CD244: variants seen among roughly 807,000 people sequenced by gnomAD.
CD244 encodes CD244 molecule.
Under a neutral mutation model 45.5 loss-of-function variants are expected in CD244, and 20 were observed. That is an observed-to-expected ratio of 0.44 (90% CI 0.31 to 0.64). The LOEUF (loss-of-function observed/expected upper bound fraction) is 0.64, where lower values mean the gene tolerates loss of function less well. CD244 is among the 30% of genes least tolerant of loss of function. The pLI is 0.08. For missense variants in CD244, 407 were observed against 426.9 expected (o/e 0.95, Z 0.41); for synonymous variants, 185 against 160.5 (o/e 1.15, Z -1.15).
At chr1:160,859,587 T>G (rs1224886383) in intron 1 of CD244, among the ~76,000 whole-genome samples, 2 of 151,480 alleles carry the variant, frequency 1.3e-5, no homozygotes, top group Non-Finnish European at 2.9e-5. Flanking sequence ...AGAAAAAAAT[T>G]TTTTTAAAGA....
At chr1:160,857,315 C>T (rs945360440) in intron 1 of CD244, among the ~76,000 whole-genome samples, 39 of 152,136 alleles carry the variant, frequency 2.6e-4, no homozygotes, top group African/African-American at 9.4e-4. Flanking sequence ...GAGATATACC[C>T]AACAGACATG....
chr1:160,840,690 C>T (rs916531507), intron 3 of CD244, among the ~76,000 whole-genome samples: 4 of 152,156 alleles, frequency 2.6e-5, no homozygotes, highest in Admixed American at 6.5e-5. Context: ...CATTAAGTCC[C>T]TGTTTATGTA....
intron 6 of CD244, among the ~76,000 whole-genome samples, chr1:160,835,383 T>C (rs1305636361): frequency 2.0e-5 from 3 of 152,214 alleles, no homozygotes; most frequent in Admixed American, 2.0e-4. Flanking sequence ...GGTTTCCTCA[T>C]TGTGATATGG....
chr1:160,858,907 C>T (rs188735678), intron 1 of CD244, among the ~76,000 whole-genome samples: 120 of 152,204 alleles, frequency 7.9e-4, no homozygotes, highest in African/African-American at 2.8e-3. Flanking sequence ...AGGTACTGCT[C>T]TAGATGTTGA....
In CD244 at chr1:160,841,468, G is replaced by C; in HGVS notation, c.397C>G (p.Arg133Gly). 2.5e-6 allele frequency: 4 copies of C among 1,613,906 alleles called. No individual in the cohort carries two copies. The highest frequency in any genetic ancestry group is 2.5e-6 in the Non-Finnish European group (3 of 1,179,982). The change falls in exon 3 of 9, where the codon CGC becomes GGC. Residue 133 changes from arginine (R) to glycine (G), a missense_variant. Coordinates refer to ENST00000368034, the MANE Select transcript of CD244 (RefSeq NM_016382.4). ...VFVFDKVEKP[R>G]LQGQGKILDR... ...AGGATCTTCCCCTGCCCCTGTAGGCGGGGTTTCTCAACTTTATCTGGAAGC... is the reference window on the plus strand; with the variant it reads ...AGGATCTTCCCCTGCCCCTGTAGGCCGGGTTTCTCAACTTTATCTGGAAGC...
intron 1 of CD244, 78 bp downstream of exon 1, chr1:160,862,539 G>T: frequency 7.7e-7 from 1 of 1,306,856 alleles, no homozygotes; most frequent in South Asian, 1.2e-5. Flanking sequence ...GGCACAAGCA[G>T]AGGCTCTGGC....
At chr1:160,848,982 C>G (rs1300977172) in intron 1 of CD244, among the ~76,000 whole-genome samples, 1 of 152,202 alleles carries the variant, frequency 6.6e-6, no homozygotes, top group Non-Finnish European at 1.5e-5. Flanking sequence ...GTCCGAAGTT[C>G]TGGAGGCCCA....
intron 1 of CD244, among the ~76,000 whole-genome samples, chr1:160,849,283 CTT>C (rs371170555): frequency 0.027 from 3,763 of 139,256 alleles, 162 homozygotes; most frequent in African/African-American, 0.094. Flanking sequence ...CCATCTCTTT[CTT>C]TTTTTTTTTT....
intron 5 of CD244, among the ~76,000 whole-genome samples, chr1:160,836,752 A>G (rs190468963): frequency 2.9e-4 from 44 of 152,164 alleles, no homozygotes; most frequent in Non-Finnish European, 5.4e-4. Flanking sequence ...AGCAGGAAGC[A>G]GAGCTTCCTG....
chr1:160,862,834 C>A lies in CD244; in HGVS notation c.-157G>T, dbSNP rs1670360702. On this transcript the variant is annotated 5_prime_UTR_variant, in exon 1 of 9. Coordinates refer to ENST00000368034, the MANE Select transcript of CD244 (RefSeq NM_016382.4). ...TTTCCTCAATTAGAGGCTGTTAACG[C>A]CTGCTGTGAGCTGACAAGGCCACTG... 1.7e-6 allele frequency: 1 copy of A among 578,934 alleles called. No homozygotes were observed. Among genetic ancestry groups the A allele is most frequent in the East Asian group, 2.9e-5 (1 of 34,018 alleles). 35.9% of individuals were successfully genotyped at this position (578,934 alleles called of 1,614,324 possible). A position where few individuals can be genotyped will look rare whatever the true frequency, so the allele number is the denominator to read the frequency against.
At chr1:160,862,529 G>T in intron 1 of CD244, 88 bp downstream of exon 1, 1 of 1,169,436 alleles carries the variant, frequency 8.6e-7, no homozygotes, top group Non-Finnish European at 1.3e-6. Context: ...CTGTGTATGT[G>T]GCACAAGCAG....
chr1:160,841,403 G>A lies in CD244; in HGVS notation c.462C>T (p.Val154=). The change falls in exon 3 of 9, where the codon GTC becomes GTT. Residue 154 remains valine (V), a synonymous_variant. Coordinates refer to ENST00000368034, the MANE Select transcript of CD244 (RefSeq NM_016382.4). ...GRCQVALSCL[V]SRDGNVSYAW... ...CATAGGACACATTGCCATCCCTGGA[G>A]ACCAAGCAAGACAGAGCCACTTGGC... The A allele has an allele frequency of 6.2e-7, 1 of 1,614,214 alleles. No individual in the cohort carries two copies.
At chr1:160,857,701 T>C (rs1342107677) in intron 1 of CD244, among the ~76,000 whole-genome samples, 1 of 152,222 alleles carries the variant, frequency 6.6e-6, no homozygotes, top group Admixed American at 6.5e-5. Context: ...ACATTTGTAA[T>C]TTTGTGTACT....
chr1:160,841,317 T>A lies in CD244; in HGVS notation c.548A>T (p.Glu183Val), dbSNP rs1173874325. 6.2e-7 allele frequency: 1 copy of A among 1,614,190 alleles called. No homozygotes were observed. The highest frequency in any genetic ancestry group is 8.5e-7 in the Non-Finnish European group (1 of 1,180,034). The change falls in exon 3 of 9, where the codon GAG becomes GTG. Residue 183 changes from glutamate to valine, a missense_variant. Coordinates refer to ENST00000368034, the MANE Select transcript of CD244 (RefSeq NM_016382.4). ...TGTGTGAGTGCCATTAATGTCAACC[T>A]CCTCGTCCAGGTAGGTGAGGTTCCC... ...TAGNLTYLDE[E>V]VDINGTHTYT... is the part of the protein sequence containing the mutation.
chr1:160,832,826 T>G (rs1669174055), intron 7 of CD244: 3 of 526,482 alleles, frequency 5.7e-6, no homozygotes, highest in South Asian at 1.6e-5. Context: ...TGCTGTTCCA[T>G]ACCCACATAC....
At chr1:160,832,492 A>C (rs747139411) in intron 8 of CD244, 27 bp downstream of exon 8, 2 of 1,434,616 alleles carry the variant, frequency 1.4e-6, no homozygotes, top group Non-Finnish European at 1.9e-6. Context: ...CAGACAGTAA[A>C]CCCATTGAGG....
intron 1 of CD244, chr1:160,848,283 A>G: frequency 1.7e-6 from 1 of 577,474 alleles, no homozygotes; most frequent in South Asian, 1.4e-5. Context: ...ATCCTGAAGC[A>G]TACAGGTCTT....
chr1:160,833,214 TA>T (rs1189052788), intron 7 of CD244, among the ~76,000 whole-genome samples: 2 of 152,088 alleles, frequency 1.3e-5, no homozygotes, highest in Non-Finnish European at 2.9e-5. Flanking sequence ...AGCATATAAT[TA>T]AAAACAAATC....
chr1:160,851,572 CT>C (rs571663343), intron 1 of CD244, among the ~76,000 whole-genome samples: 145 of 152,228 alleles, frequency 9.5e-4, no homozygotes, highest in African/African-American at 3.5e-3. Context: ...AATATGAAAG[CT>C]AAACCTATAA....
Sources: allele counts gnomAD v4.1 joint callset (sites outside exome capture counted in the v4.1 genomes callset), GRCh38; gene constraint gnomAD v4.1.1; transcripts MANE v1.5; gene names NCBI Gene and HGNC (gene_info 2026-07-23, HGNC 2026-07-21).